Variants in SNX13 observed in about 807,000 individuals in gnomAD.
The protein encoded by SNX13 is sorting nexin 13, also known as sorting nexin-13.
In SNX13, 45 loss-of-function variants were observed where a neutral mutation model predicts 133.6. The ratio of observed to expected loss-of-function variants is 0.34; its 90% CI spans 0.27 to 0.43. SNX13 has a LOEUF of 0.43. SNX13 is among the 20% of genes least tolerant of loss of function. The pLI is 1.00. For synonymous variants in SNX13, 414 were observed against 373.9 expected, an observed-to-expected ratio of 1.11 and a Z score of -1.24; for missense variants, 1,032 against 1,145.1, an observed-to-expected ratio of 0.90 and a Z score of 1.43.
chr7:17,844,591 AG>A (rs1268107263), intron 12 of SNX13, among the ~76,000 whole-genome samples: 1 of 152,144 alleles, frequency 6.6e-6, no homozygotes, highest in Non-Finnish European at 1.5e-5. Context: ...AGATAAAGAT[AG>A]TACAAGAAAA....
intron 1 of SNX13, among the ~76,000 whole-genome samples, chr7:17,904,622 A>T (rs1020416091): frequency 6.6e-6 from 1 of 152,098 alleles, no homozygotes; most frequent in Non-Finnish European, 1.5e-5. Flanking sequence ...GGGGTCAACC[A>T]CTCTCCAACT....
rs535203888 is a variant in SNX13, at chr7:17,909,431, C to A, written c.13-11985G>T. ...TTCACTACAGCACTATTCACAGTAG[C>A]AAAAATATGGATTCAACCCAAAAGC... On this transcript the variant is annotated intron_variant, in intron 1 of 25. Transcript: ENST00000428135. Among the ~76,000 whole-genome samples, 21 of 152,154 alleles carry A rather than the reference C, an allele frequency of 1.4e-4. No homozygotes were observed. The South Asian group carries it at 4.2e-3, about 30-fold the overall frequency.
At chr7:17,894,562 T>C (rs1455846750) in intron 2 of SNX13, among the ~76,000 whole-genome samples, 1 of 152,260 alleles carries the variant, frequency 6.6e-6, no homozygotes, top group East Asian at 1.9e-4. Context: ...CCAAAAAAAG[T>C]TAATTATTTT....
At chr7:17,838,110 T>C (rs1428287809) in intron 13 of SNX13, among the ~76,000 whole-genome samples, 1 of 152,144 alleles carries the variant, frequency 6.6e-6, no homozygotes, top group African/African-American at 2.4e-5. Context: ...CTTAAAAAAA[T>C]ATGATTTTAC....
intron 9 of SNX13, among the ~76,000 whole-genome samples, chr7:17,851,207 T>C (rs546621769): frequency 6.6e-6 from 1 of 152,334 alleles, no homozygotes; most frequent in African/African-American, 2.4e-5. Context: ...TATTTGATGA[T>C]AGCAAAGAAG....
intron 1 of SNX13, among the ~76,000 whole-genome samples, chr7:17,933,925 C>T (rs1399677610): frequency 6.6e-6 from 1 of 152,008 alleles, no homozygotes; most frequent in African/African-American, 2.4e-5. Context: ...GGTGCTATTA[C>T]CCCAATTTTA....
chr7:17,919,839 T>A (rs1489233155), intron 1 of SNX13, among the ~76,000 whole-genome samples: 1 of 152,106 alleles, frequency 6.6e-6, no homozygotes, highest in Non-Finnish European at 1.5e-5. Context: ...CTACTAAAAG[T>A]TTACTTTTGG....
intron 11 of SNX13, among the ~76,000 whole-genome samples, chr7:17,847,937 G>C: frequency 6.6e-6 from 1 of 151,188 alleles, no homozygotes; most frequent in African/African-American, 2.4e-5. Context: ...TTAGGGACAG[G>C]GGGCACAAAA....
intron 20 of SNX13, among the ~76,000 whole-genome samples, chr7:17,804,025 C>G (rs1351852290): frequency 6.6e-6 from 1 of 151,868 alleles, no homozygotes; most frequent in Admixed American, 6.6e-5. Flanking sequence ...TCACTGCACT[C>G]CATACATTCC....
At position 17,806,104 on chromosome 7, in the gene SNX13, T is replaced by C. The variant is rs531664536; in HGVS notation, c.2065-2524A>G. On this transcript the variant is annotated intron_variant, in intron 20 of 25. Transcript: ENST00000428135. The stretch of plus-strand genomic sequence containing the variant: ...CTTAGCTGTCCTTACACAGATGCTG[T>C]ATATTCATTCAATTACCACCCCAGC... Among the ~76,000 whole-genome samples the C allele has an allele frequency of 8.5e-5, 13 of 152,334 alleles. No homozygotes were observed. In the South Asian group the frequency reaches 1.2e-3, roughly 15 times the overall value.
chr7:17,897,293 T>C (rs1425866222), intron 2 of SNX13, 41 bp downstream of exon 2: 11 of 1,134,868 alleles, frequency 9.7e-6, no homozygotes, highest in Non-Finnish European at 1.3e-5. Context: ...TTTAACAAGA[T>C]ATGACACATG....
At chr7:17,811,549 T>C (rs767278840) in intron 20 of SNX13, among the ~76,000 whole-genome samples, 1 of 152,200 alleles carries the variant, frequency 6.6e-6, no homozygotes, top group African/African-American at 2.4e-5. Flanking sequence ...GAAGAATCAA[T>C]GTCGTGAAAA....
chr7:17,819,910 C>T (rs1787095735), intron 18 of SNX13, among the ~76,000 whole-genome samples: 1 of 151,992 alleles, frequency 6.6e-6, no homozygotes, highest in African/African-American at 2.4e-5. Flanking sequence ...CACACACACA[C>T]ACACAAACAC....
chr7:17,920,621 T>A (rs1167919481), intron 1 of SNX13, among the ~76,000 whole-genome samples: 2 of 152,228 alleles, frequency 1.3e-5, no homozygotes, highest in African/African-American at 2.4e-5. Context: ...AACCCATTTA[T>A]TCTTACAAAA....
intron 9 of SNX13, among the ~76,000 whole-genome samples, chr7:17,865,116 T>A (rs1419490831): frequency 6.6e-6 from 1 of 152,168 alleles, no homozygotes; most frequent in Non-Finnish European, 1.5e-5. Context: ...AGTTTTTCAA[T>A]CTGAAAGAAA....
intron 15 of SNX13, chr7:17,831,595 A>G (rs1043224552): frequency 3.0e-6 from 3 of 984,088 alleles, no homozygotes; most frequent in Non-Finnish European, 3.6e-6. Context: ...GTACTATACC[A>G]TATGATATGA....
intron 25 of SNX13, 86 bp from the exon 26 acceptor site, chr7:17,794,378 A>G: frequency 6.8e-7 from 1 of 1,471,094 alleles, no homozygotes; most frequent in East Asian, 2.3e-5. Flanking sequence ...TAAGGTACAC[A>G]GCAGAGTAAC....
Position 17,876,447 on chromosome 7 carries a change from G to A in SNX13, c.441-657C>T, listed in dbSNP as rs968901377. Among the ~76,000 whole-genome samples the A allele has an allele frequency of 2.0e-5, 3 of 152,138 alleles. No homozygotes were observed. In the East Asian group the frequency reaches 5.8e-4, roughly 29 times the overall value. ...TACAAAAAATTAGCCAGGCATGGTGGCATGCACCTATAGTCCCAGCTGCTA... is the reference window on the plus strand; with the variant it reads ...TACAAAAAATTAGCCAGGCATGGTGACATGCACCTATAGTCCCAGCTGCTA... On this transcript the variant is annotated intron_variant, in intron 5 of 25. Transcript: ENST00000428135.
intron 22 of SNX13, among the ~76,000 whole-genome samples, chr7:17,799,868 A>T (rs1205766603): frequency 6.6e-6 from 1 of 151,816 alleles, no homozygotes; most frequent in Non-Finnish European, 1.5e-5. Context: ...TACCACATAT[A>T]ATTGTTAGTA....
Sources: gnomAD v4.1 joint callset for allele counts (sites outside exome capture counted in the v4.1 genomes callset) on GRCh38, gnomAD v4.1.1 for gene constraint, MANE v1.5 for transcripts, NCBI Gene and HGNC (gene_info 2026-07-23, HGNC 2026-07-21) for gene names.